The following SLC39A8 variants were observed in gnomAD, a reference collection of about 807,000 sequenced individuals.
The protein encoded by SLC39A8 is solute carrier family 39 member 8.
In SLC39A8, 15 loss-of-function variants were observed where a neutral mutation model predicts 40.4. The observed-to-expected ratio is 0.37, with a 90% CI of 0.25 to 0.57. The LOEUF (loss-of-function observed/expected upper bound fraction) is 0.57. Ranked by LOEUF, SLC39A8 falls within the 20% of genes least tolerant of loss-of-function variation. The probability of loss-of-function intolerance (pLI) is 0.75; values close to 1 mark genes in which losing one functional copy is unlikely to be tolerated. For missense variants in SLC39A8, 472 were observed against 558.8 expected (o/e 0.84, Z 1.57); for synonymous variants, 223 against 221.6 (o/e 1.01, Z -0.06).
intron 5 of SLC39A8, among the ~76,000 whole-genome samples, 184 bp downstream of exon 5, chr4:102,304,805 A>G (rs1388030357): frequency 6.6e-6 from 1 of 151,622 alleles, no homozygotes; most frequent in Non-Finnish European, 1.5e-5. Flanking sequence ...TCCAAATTTT[A>G]CAACATGAAT....
intron 2 of SLC39A8, among the ~76,000 whole-genome samples, chr4:102,342,268 AGGCC>A: frequency 6.6e-6 from 1 of 152,352 alleles, no homozygotes; most frequent in East Asian, 1.9e-4. Flanking sequence ...TGGGAGACCG[AGGCC>A]GGCGGATCAC....
intron 3 of SLC39A8, among the ~76,000 whole-genome samples, chr4:102,310,148 C>T (rs928290806): frequency 5.3e-5 from 8 of 152,062 alleles, no homozygotes; most frequent in African/African-American, 1.7e-4. Context: ...TTTTCCCAAC[C>T]GAGCTTTACC....
At chr4:102,341,189 A>G (rs1163543952) in intron 2 of SLC39A8, among the ~76,000 whole-genome samples, 1 of 152,234 alleles carries the variant, frequency 6.6e-6, no homozygotes. Context: ...GAAAAAAACT[A>G]TGTGCACTAC....
At chr4:102,288,697 G>A (rs1733292669) in intron 6 of SLC39A8, among the ~76,000 whole-genome samples, 1 of 152,126 alleles carries the variant, frequency 6.6e-6, no homozygotes, top group Admixed American at 6.6e-5. Context: ...TTGCTGACAT[G>A]AGTAAAATTT....
At chr4:102,336,894 T>C (rs1216586770) in intron 2 of SLC39A8, among the ~76,000 whole-genome samples, 1 of 152,226 alleles carries the variant, frequency 6.6e-6, no homozygotes, top group South Asian at 2.1e-4. Flanking sequence ...TCTACTGTTA[T>C]ATAAAGTTGG....
chr4:102,318,455 G>A (rs1410387078), intron 2 of SLC39A8, among the ~76,000 whole-genome samples: 1 of 152,126 alleles, frequency 6.6e-6, no homozygotes, highest in African/African-American at 2.4e-5. Flanking sequence ...ACCAGCAAGT[G>A]GAATGAACAC....
At chr4:102,306,010 A>G (rs903314796) in intron 4 of SLC39A8, among the ~76,000 whole-genome samples, 1 of 152,034 alleles carries the variant, frequency 6.6e-6, no homozygotes, top group Admixed American at 6.6e-5. Context: ...GCCTGTTTAT[A>G]CAATGCAAAA....
At chr4:102,259,400 A>G (rs1731785805), downstream of SLC39A8, 3 of 1,249,972 alleles carry the variant, frequency 2.4e-6, no homozygotes, top group Non-Finnish European at 3.4e-6. Context: ...AAGCCATTGT[A>G]TAAACTTTAA....
chr4:102,254,906 A>G (rs1031578775), intron 11 of SLC39A8, among the ~76,000 whole-genome samples: 1 of 152,228 alleles, frequency 6.6e-6, no homozygotes, highest in Non-Finnish European at 1.5e-5. Context: ...TTTCAGTGGC[A>G]TCAAATGTTA....
downstream of SLC39A8, among the ~76,000 whole-genome samples, chr4:102,259,976 C>A (rs1731802892): frequency 6.6e-6 from 1 of 152,116 alleles, no homozygotes. Flanking sequence ...CTGTGAAAAA[C>A]ATAGGATTTC....
chr4:102,311,971 A>G (rs1448574313), intron 3 of SLC39A8, among the ~76,000 whole-genome samples: 1 of 152,098 alleles, frequency 6.6e-6, no homozygotes, highest in East Asian at 1.9e-4. Flanking sequence ...GGGCCAGGGA[A>G]TGTGGTGAAC....
intron 2 of SLC39A8, among the ~76,000 whole-genome samples, chr4:102,320,845 C>G (rs1030451919): frequency 1.3e-5 from 2 of 150,144 alleles, no homozygotes; most frequent in Non-Finnish European, 3.0e-5. Flanking sequence ...TAACATACCC[C>G]TATTGCAATG....
downstream of SLC39A8, among the ~76,000 whole-genome samples, chr4:102,258,379 C>T (rs1731762071): frequency 6.6e-6 from 1 of 151,956 alleles, no homozygotes; most frequent in Non-Finnish European, 1.5e-5. Context: ...ACTGGCTAGC[C>T]CTTCTCCTAC....
At chr4:102,266,145 G>A (rs1288654229) in intron 8 of SLC39A8, among the ~76,000 whole-genome samples, 2 of 151,874 alleles carry the variant, frequency 1.3e-5, no homozygotes, top group East Asian at 3.9e-4. Context: ...TTTAATTTAA[G>A]GATCCCCTCT....
chr4:102,288,750 A>G (rs899254314), intron 6 of SLC39A8, among the ~76,000 whole-genome samples: 1 of 152,070 alleles, frequency 6.6e-6, no homozygotes, highest in Non-Finnish European at 1.5e-5. Context: ...AACATACCCT[A>G]AAGTAGGAGC....
At chr4:102,304,217 A>G (rs1281703211) in intron 6 of SLC39A8, 100 bp downstream of exon 6, 15 of 842,062 alleles carry the variant, frequency 1.8e-5, no homozygotes, top group Middle Eastern at 2.5e-4. Flanking sequence ...TAAGTCTGAC[A>G]TACATAAATG....
At chr4:102,275,278 CAAAAAA>C (rs775163084) in intron 6 of SLC39A8, among the ~76,000 whole-genome samples, 3 of 115,454 alleles carry the variant, frequency 2.6e-5, no homozygotes, top group Non-Finnish European at 5.7e-5. Context: ...AAATGGAAAG[CAAAAAA>C]AACAAAAACA....
exon 12 of SLC39A8, chr4:102,252,291 G>A (rs1009931890): frequency 6.6e-6 from 1 of 152,360 alleles, no homozygotes; most frequent in Non-Finnish European, 1.5e-5. Context: ...ATGTCATAAC[G>A]GGAGTCACGG....
At chr4:102,270,610 T>C (rs1315529706) in intron 6 of SLC39A8, among the ~76,000 whole-genome samples, 3 of 152,332 alleles carry the variant, frequency 2.0e-5, no homozygotes, top group Admixed American at 2.0e-4. Context: ...TATGAGGCTA[T>C]TTCTATCCTC....
Sources: gnomAD v4.1 joint callset for allele counts (sites outside exome capture counted in the v4.1 genomes callset) on GRCh38, gnomAD v4.1.1 for gene constraint, MANE v1.5 for transcripts, NCBI Gene and HGNC (gene_info 2026-07-23, HGNC 2026-07-21) for gene names.